SARNP: variants seen among roughly 807,000 people sequenced by gnomAD.
SARNP encodes SAP domain-containing ribonucleoprotein.
A neutral mutation model predicts 38.1 loss-of-function variants in SARNP; 5 were observed. That is an observed-to-expected ratio of 0.13 (90% confidence interval 0.07 to 0.28). The LOEUF is 0.28. Ranked by LOEUF, SARNP falls within the 10% of genes least tolerant of loss-of-function variation. The pLI is 1.00. For synonymous variants in SARNP, 84 were observed against 80.6 expected (o/e 1.04, Z -0.23); for missense variants, 180 against 243.9 (o/e 0.74, Z 1.75).
intron 2 of SARNP, 93 bp from the exon 3 acceptor site, chr12:55,800,993 CAAA>C (rs1879964090): frequency 3.8e-6 from 4 of 1,060,578 alleles, no homozygotes; most frequent in Non-Finnish European, 5.8e-6. Context: ...TGCTTTCCCC[CAAA>C]AAATCCAACA....
intron 9 of SARNP, among the ~76,000 whole-genome samples, chr12:55,783,394 G>A (rs773322961): frequency 1.3e-5 from 2 of 152,168 alleles, no homozygotes; most frequent in Non-Finnish European, 2.9e-5. Flanking sequence ...ACAGTCCAAA[G>A]AATTGAAGGG....
chr12:55,798,306 T>G (rs1374829682), intron 4 of SARNP, among the ~76,000 whole-genome samples: 3 of 152,082 alleles, frequency 2.0e-5, no homozygotes, highest in Non-Finnish European at 4.4e-5. Flanking sequence ...GAGACCAGCC[T>G]GGCAAACACG....
intron 4 of SARNP, among the ~76,000 whole-genome samples, chr12:55,797,590 G>A (rs1879856832): frequency 6.6e-6 from 1 of 152,194 alleles, no homozygotes; most frequent in African/African-American, 2.4e-5. Context: ...CAACCCCAGT[G>A]TAATGACTTC....
chr12:55,762,482 G>A (rs1878707112), intron 9 of SARNP: 1 of 152,036 alleles, frequency 6.6e-6, no homozygotes, highest in Admixed American at 6.6e-5. Context: ...ATGTTGGTCA[G>A]GCTGGTCTCG....
downstream of SARNP, chr12:55,755,490 T>TGGAATCAGTTAACCACATTCC (rs987911935): frequency 6.6e-6 from 1 of 152,160 alleles, no homozygotes; most frequent in African/African-American, 2.4e-5. Flanking sequence ...CTTCAGGAAT[T>TGGAATCAGTTAACCACATTCC]GGAATCAGTT....
chr12:55,778,137 CCTCTT>C (rs1452627219), intron 9 of SARNP, among the ~76,000 whole-genome samples: 1 of 151,922 alleles, frequency 6.6e-6, no homozygotes, highest in Non-Finnish European at 1.5e-5. Context: ...CCCATTGTTT[CCTCTT>C]TTTTTTAATT....
At chr12:55,781,650 C>T (rs1480149739) in intron 9 of SARNP, among the ~76,000 whole-genome samples, 1 of 152,016 alleles carries the variant, frequency 6.6e-6, no homozygotes, top group East Asian at 1.9e-4. Context: ...AAATGTAATA[C>T]AAAAGTCTCA....
chr12:55,789,188 C>T (rs746068993), intron 8 of SARNP, 45 bp from the exon 9 acceptor site: 20 of 1,372,550 alleles, frequency 1.5e-5, no homozygotes, highest in South Asian at 3.8e-5. Flanking sequence ...AAAATCAAAA[C>T]GGAAAACAAA....
At position 55,811,483 on chromosome 12, in the gene SARNP, T is replaced by TA. The variant is rs145042826; in HGVS notation, c.36+6182_36+6183insT. Among the ~76,000 whole-genome samples, 69 of 151,944 alleles carry TA rather than the reference T, an allele frequency of 4.5e-4. 3 individuals are homozygous for TA. The East Asian group carries it at 0.012, about 26-fold the overall frequency. ...GGGTGGGAGCAGGGGCTGAGGTGGATCACTTGAGTCCAGAAGACTGAAGCT... is the reference window on the plus strand; with the variant it reads ...GGGTGGGAGCAGGGGCTGAGGTGGATACACTTGAGTCCAGAAGACTGAAGCT... On this transcript the variant is annotated intron_variant, in intron 1 of 10. Coordinates refer to ENST00000336133, the MANE Select transcript of SARNP (RefSeq NM_033082.4).
chr12:55,760,836 CTT>C (rs1878652760), intron 9 of SARNP, 196 bp from the exon 10 acceptor site: 4 of 521,014 alleles, frequency 7.7e-6, no homozygotes, highest in Non-Finnish European at 1.4e-5. Flanking sequence ...TGACTAAAAA[CTT>C]AATTTTAGGC....
chr12:55,773,169 C>T (rs1206414663), intron 9 of SARNP, among the ~76,000 whole-genome samples: 1 of 152,100 alleles, frequency 6.6e-6, no homozygotes, highest in Non-Finnish European at 1.5e-5. Context: ...GATTTCAGGC[C>T]ACAACCCAAC....
At chr12:55,773,993 C>A (rs1879087741) in intron 9 of SARNP, among the ~76,000 whole-genome samples, 1 of 151,688 alleles carries the variant, frequency 6.6e-6, no homozygotes, top group Non-Finnish European at 1.5e-5. Context: ...CAGGCATGAG[C>A]CAATGCACCT....
At chr12:55,760,436 TTAAATAAG>T (rs1158008418) in intron 10 of SARNP, 107 bp downstream of exon 10, 1 of 674,408 alleles carries the variant, frequency 1.5e-6, no homozygotes, top group Non-Finnish European at 2.6e-6. Context: ...CCAACTCGAC[TTAAATAAG>T]TAAATAAATA....
At chr12:55,792,840 A>G (rs1199939155) in intron 7 of SARNP, 1 of 151,878 alleles carries the variant, frequency 6.6e-6, no homozygotes, top group African/African-American at 2.4e-5. Flanking sequence ...ACCTGCCACC[A>G]TGTCTAGTTA....
intron 9 of SARNP, among the ~76,000 whole-genome samples, chr12:55,776,522 T>G (rs1428086716): frequency 6.6e-6 from 1 of 152,238 alleles, no homozygotes; most frequent in Non-Finnish European, 1.5e-5. Context: ...TATGTATAAA[T>G]AGCTGTTATA....
intron 9 of SARNP, chr12:55,761,921 C>A (rs922473493): frequency 6.6e-6 from 1 of 152,170 alleles, no homozygotes; most frequent in Non-Finnish European, 1.5e-5. Context: ...TAGAGATGTA[C>A]CCATCCTCAC....
chr12:55,812,038 C>T (rs1256840274), intron 1 of SARNP, among the ~76,000 whole-genome samples: 1 of 152,174 alleles, frequency 6.6e-6, no homozygotes, highest in Non-Finnish European at 1.5e-5. Flanking sequence ...TCTAGTCAAA[C>T]ATCATCCATT....
At chr12:55,776,832 C>G (rs1565674289) in intron 9 of SARNP, among the ~76,000 whole-genome samples, 1 of 152,174 alleles carries the variant, frequency 6.6e-6, no homozygotes, top group Non-Finnish European at 1.5e-5. Flanking sequence ...AGAAAAAACT[C>G]TTACCCAGAC....
chr12:55,774,883 GTTTT>G (rs367957447), intron 9 of SARNP, among the ~76,000 whole-genome samples: 3 of 110,728 alleles, frequency 2.7e-5, no homozygotes, highest in Non-Finnish European at 5.5e-5. Flanking sequence ...ATTTCTATTT[GTTTT>G]TTTTTTTTTT....
Sources: allele counts gnomAD v4.1 joint callset (sites outside exome capture counted in the v4.1 genomes callset), GRCh38; gene constraint gnomAD v4.1.1; transcripts MANE v1.5; gene names NCBI Gene and HGNC (gene_info 2026-07-23, HGNC 2026-07-21).